ITGA9: variants seen among roughly 807,000 people sequenced by gnomAD.
The protein encoded by ITGA9 is integrin subunit alpha 9.
In ITGA9, 56 loss-of-function variants were observed where a neutral mutation model predicts 127.8. The observed-to-expected ratio is 0.44, with a 90% CI of 0.35 to 0.55. The LOEUF is 0.55. Ranked by LOEUF, ITGA9 falls within the 20% of genes least tolerant of loss-of-function variation. The probability of loss-of-function intolerance (pLI) is 0.00; values close to 1 mark genes in which losing one functional copy is unlikely to be tolerated. For synonymous variants in ITGA9, 508 were observed against 514.5 expected, an observed-to-expected ratio of 0.99 and a Z score of 0.17; for missense variants, 1,196 against 1,347.1, an observed-to-expected ratio of 0.89 and a Z score of 1.76.
chr3:37,761,689 CT>C (rs539597205), intron 23 of ITGA9, among the ~76,000 whole-genome samples: 45 of 152,316 alleles, frequency 3.0e-4, no homozygotes, highest in African/African-American at 1.0e-3. Context: ...TTGACGTTCA[CT>C]CTTAACAGTG....
chr3:37,543,409 C>T (rs1478367263), intron 15 of ITGA9, among the ~76,000 whole-genome samples: 1 of 152,226 alleles, frequency 6.6e-6, no homozygotes, highest in African/African-American at 2.4e-5. Context: ...TGACCTCTCC[C>T]TGTCTCAGTC....
chr3:37,598,205 G>A (rs1488547712), intron 15 of ITGA9, among the ~76,000 whole-genome samples: 5 of 152,174 alleles, frequency 3.3e-5, no homozygotes, highest in Middle Eastern at 3.4e-3. Flanking sequence ...TGCCTATGAC[G>A]CAGGTATAGA....
intron 15 of ITGA9, among the ~76,000 whole-genome samples, chr3:37,547,812 G>A (rs978113897): frequency 6.6e-6 from 1 of 152,168 alleles, no homozygotes; most frequent in African/African-American, 2.4e-5. Context: ...TTTTGAATCA[G>A]TAGTGTGTAT....
Position 37,741,757 on chromosome 3 carries a change from G to C in ITGA9, c.2262G>C (p.Leu754=). The change falls in exon 21 of 28, where the codon CTG becomes CTC. Residue 754 remains leucine (L), a synonymous_variant. Coordinates refer to ENST00000264741, the MANE Select transcript of ITGA9 (RefSeq NM_002207.3). ...GCAACACGGAGCGCTCTGAATCCCT[G>C]CATGACAACACCCTCGTGCTGATGG... is the stretch of plus-strand genomic sequence containing the variant. ...QSGNTERSES[L]HDNTLVLMVP... The C allele has an allele frequency of 6.2e-7, 1 of 1,613,868 alleles. No homozygotes were observed. The highest frequency in any genetic ancestry group is 8.5e-7 in the Non-Finnish European group (1 of 1,179,904).
chr3:37,732,997 T>C (rs752875421), intron 19 of ITGA9, 199 bp downstream of exon 19: 1 of 605,910 alleles, frequency 1.7e-6, no homozygotes, highest in Non-Finnish European at 3.0e-6. Context: ...CTGCATCATA[T>C]GGTCTTTCTC....
Position 37,466,452 on chromosome 3 carries a change from C to T in ITGA9, c.186-4555C>T, listed in dbSNP as rs79814564. On this transcript the variant is annotated intron_variant, in intron 1 of 27. Coordinates refer to ENST00000264741, the MANE Select transcript of ITGA9 (RefSeq NM_002207.3). ...TGAGCGGAGATCGCCGCACTGCACT[C>T]CAGCCTGGGTAACAGAGCAAGACAC... is the stretch of plus-strand genomic sequence containing the variant. Among the ~76,000 whole-genome samples the T allele has an allele frequency of 1.0e-2, 1,255 of 125,774 alleles. 17 individuals carry two copies. The highest frequency in any genetic ancestry group is 0.037 in the African/African-American group (1,185 of 31,792). 82.5% of individuals were successfully genotyped at this position (125,774 alleles called of 152,430 possible). A position where few individuals can be genotyped will look rare whatever the true frequency, so the allele number is the denominator to read the frequency against.
chr3:37,686,402 T>G (rs181058387), intron 18 of ITGA9, among the ~76,000 whole-genome samples: 5 of 152,270 alleles, frequency 3.3e-5, no homozygotes, highest in Admixed American at 2.6e-4. Flanking sequence ...GGGGACAGCA[T>G]CATTTTCTAC....
chr3:37,526,562 C>A, intron 13 of ITGA9, among the ~76,000 whole-genome samples: 1 of 152,348 alleles, frequency 6.6e-6, no homozygotes, highest in East Asian at 1.9e-4. Context: ...ACGTCATTCC[C>A]TGTTGGCTGC....
intron 22 of ITGA9, chr3:37,749,610 T>C (rs972489146): frequency 2.0e-4 from 30 of 152,312 alleles, no homozygotes; most frequent in African/African-American, 6.8e-4. Flanking sequence ...TCCTTGCTCT[T>C]ACTGGTCTCT....
chr3:37,574,474 T>C (rs926640924), intron 15 of ITGA9, among the ~76,000 whole-genome samples: 2 of 152,198 alleles, frequency 1.3e-5, no homozygotes, highest in African/African-American at 2.4e-5. Context: ...TTCCTGTTAT[T>C]CCATATTCAT....
intron 17 of ITGA9, among the ~76,000 whole-genome samples, chr3:37,655,540 G>GT (rs1430346193): frequency 2.0e-5 from 3 of 152,014 alleles, no homozygotes; most frequent in Admixed American, 6.6e-5. Flanking sequence ...TTTTGATGGG[G>GT]TTGTTTTTTT....
chr3:37,604,266 G>GAGAT (rs1699947106), intron 15 of ITGA9, among the ~76,000 whole-genome samples: 1 of 152,234 alleles, frequency 6.6e-6, no homozygotes, highest in Admixed American at 6.5e-5. Context: ...GAGGCTTAGA[G>GAGAT]AGATGCTAAC....
At chr3:37,553,953 A>T (rs1369536602) in intron 15 of ITGA9, among the ~76,000 whole-genome samples, 1 of 152,142 alleles carries the variant, frequency 6.6e-6, no homozygotes, top group Non-Finnish European at 1.5e-5. Flanking sequence ...GAAGTTGCTG[A>T]TGTTGGTTCA....
At chr3:37,606,551 C>T (rs1246731272) in intron 15 of ITGA9, among the ~76,000 whole-genome samples, 4 of 152,212 alleles carry the variant, frequency 2.6e-5, no homozygotes, top group African/African-American at 9.6e-5. Context: ...CCTATGGATC[C>T]ATGAGCTCAC....
At chr3:37,770,213 C>T (rs1337205889) in intron 23 of ITGA9, among the ~76,000 whole-genome samples, 7 of 152,106 alleles carry the variant, frequency 4.6e-5, no homozygotes, top group African/African-American at 7.2e-5. Context: ...ACATGGGTGC[C>T]GTAAGGATTC....
Position 37,613,932 on chromosome 3 carries a change from G to A in ITGA9, c.1690-15255G>A, listed in dbSNP as rs572879588. Among the ~76,000 whole-genome samples the A allele has an allele frequency of 4.2e-3, 638 of 152,268 alleles. 3 individuals are homozygous for A. The highest frequency in any genetic ancestry group is 0.015 in the African/African-American group (611 of 41,548). On this transcript the variant is annotated intron_variant, in intron 15 of 27. Coordinates refer to ENST00000264741, the MANE Select transcript of ITGA9 (RefSeq NM_002207.3). ...TGTAGGTTGCCTGTTCACTCTGATG[G>A]TAGTTTCTTTTGCTGTGCAGAAGCT...
chr3:37,677,342 GA>G (rs1168953202), intron 17 of ITGA9, among the ~76,000 whole-genome samples: 3 of 152,136 alleles, frequency 2.0e-5, no homozygotes, highest in Non-Finnish European at 4.4e-5. Flanking sequence ...GAAAAGCTTT[GA>G]TAGTTGTCAA....
chr3:37,798,635 A>G (rs929996494), intron 26 of ITGA9, among the ~76,000 whole-genome samples: 2 of 152,244 alleles, frequency 1.3e-5, no homozygotes, highest in African/African-American at 4.8e-5. Flanking sequence ...CGGAAGGCTG[A>G]TAAGTTATAA....
chr3:37,696,922 C>T (rs938004993), intron 18 of ITGA9, among the ~76,000 whole-genome samples: 2 of 152,114 alleles, frequency 1.3e-5, no homozygotes, highest in Admixed American at 6.5e-5. Flanking sequence ...CGCAGCCCTC[C>T]GGGGTCAGGA....
Sources: gnomAD v4.1 joint callset for allele counts (sites outside exome capture counted in the v4.1 genomes callset) on GRCh38, gnomAD v4.1.1 for gene constraint, MANE v1.5 for transcripts, NCBI Gene and HGNC (gene_info 2026-07-23, HGNC 2026-07-21) for gene names.